Variants in NRG3 observed in about 807,000 individuals in gnomAD.
The protein encoded by NRG3 is pro-neuregulin-3, membrane-bound isoform.
A neutral mutation model predicts 66.9 loss-of-function variants in NRG3; 31 were observed. The observed-to-expected ratio is 0.46, with a 90% CI of 0.35 to 0.63. The LOEUF (loss-of-function observed/expected upper bound fraction) is 0.63, where lower values mean the gene tolerates loss of function less well. Among genes scored for constraint, NRG3 ranks in the 20% least tolerant of loss-of-function variants. NRG3 has a pLI of 0.00. For synonymous variants in NRG3, 393 were observed against 359.4 expected, an observed-to-expected ratio of 1.09 and a Z score of -1.06; for missense variants, 910 against 878.9, an observed-to-expected ratio of 1.04 and a Z score of -0.45.
chr10:82,167,734 TGCTTATATTTA>T (rs1444509698), intron 1 of NRG3, among the ~76,000 whole-genome samples: 2 of 152,158 alleles, frequency 1.3e-5, no homozygotes, highest in Non-Finnish European at 1.5e-5. Context: ...TGTAAATATT[TGCTTATATTTA>T]CCACCTTCTT....
At chr10:82,403,162 T>A (rs1313097196) in intron 2 of NRG3, among the ~76,000 whole-genome samples, 2 of 152,162 alleles carry the variant, frequency 1.3e-5, no homozygotes, top group Non-Finnish European at 2.9e-5. Flanking sequence ...GGAGCTTCCA[T>A]GGGACTTCAT....
At chr10:82,530,272 T>C (rs1847125608) in intron 2 of NRG3, among the ~76,000 whole-genome samples, 1 of 152,112 alleles carries the variant, frequency 6.6e-6, no homozygotes, top group Non-Finnish European at 1.5e-5. Flanking sequence ...AGAAATGTAG[T>C]AACAATAGCC....
intron 4 of NRG3, among the ~76,000 whole-genome samples, chr10:82,914,389 G>T (rs936321716): frequency 1.3e-5 from 2 of 152,098 alleles, no homozygotes; most frequent in South Asian, 2.1e-4. Flanking sequence ...GACATATTAG[G>T]TAAAAGGGAT....
At chr10:81,931,318 A>G (rs57778399) in intron 1 of NRG3, among the ~76,000 whole-genome samples, 10,787 of 152,208 alleles carry the variant, frequency 0.071, 753 homozygotes, top group East Asian at 0.22. Context: ...AGACTCTTCT[A>G]TTACCTGGGA....
intron 2 of NRG3, among the ~76,000 whole-genome samples, chr10:82,386,064 A>T (rs767166289): frequency 2.0e-4 from 31 of 152,172 alleles, no homozygotes; most frequent in Admixed American, 7.2e-4. Context: ...AGGCTTTTCC[A>T]TCAAATATAA....
chr10:82,512,474 T>TG (rs891096223), intron 2 of NRG3, among the ~76,000 whole-genome samples: 1 of 151,924 alleles, frequency 6.6e-6, no homozygotes, highest in African/African-American at 2.4e-5. Flanking sequence ...TTAGTAGAGA[T>TG]GGGGTCTCAC....
intron 3 of NRG3, among the ~76,000 whole-genome samples, chr10:82,742,576 A>T (rs1275710825): frequency 2.0e-5 from 3 of 152,176 alleles, no homozygotes; most frequent in African/African-American, 4.8e-5. Flanking sequence ...ATGAGGCTGA[A>T]TAGCAAGCAG....
chr10:81,875,831 CGCCCACTCGCTTCCCCGGGCACCGGGT>C lies in NRG3; in HGVS notation c.497_523del (p.Thr166_Pro174del). 1.9e-6 allele frequency: 3 copies of C among 1,608,986 alleles called. No individual in the cohort carries two copies. Among genetic ancestry groups the C allele is most frequent in the Non-Finnish European group, 2.5e-6 (3 of 1,179,692 alleles). On this transcript the variant is annotated inframe_deletion, in exon 1 of 9. Transcript: ENST00000372141. This position sits in a 1 kb window ranked among gnomAD's most constrained non-coding sequence, Gnocchi z 5.3. ...ACTCGCCTGACCACCATCACGCGGG[CGCCCACTCGCTTCCCCGGGCACCGGGT>C]GCCCATCCGGGCCAGCCCGCGCTCC...
intron 3 of NRG3, among the ~76,000 whole-genome samples, chr10:82,849,572 A>G (rs1304061737): frequency 6.6e-6 from 1 of 152,144 alleles, no homozygotes; most frequent in Non-Finnish European, 1.5e-5. Context: ...GGTGAGGAGG[A>G]TAGGAAGTGC....
chr10:82,397,530 C>G (rs754572810), intron 2 of NRG3, among the ~76,000 whole-genome samples: 1 of 152,124 alleles, frequency 6.6e-6, no homozygotes, highest in African/African-American at 2.4e-5. Context: ...AATATTAACT[C>G]ATGACAATTT....
At chr10:82,893,859 A>G (rs1243906206) in intron 4 of NRG3, among the ~76,000 whole-genome samples, 1 of 152,210 alleles carries the variant, frequency 6.6e-6, no homozygotes, top group Non-Finnish European at 1.5e-5. Flanking sequence ...AAAATGAATC[A>G]TAGTAAACCA....
intron 2 of NRG3, among the ~76,000 whole-genome samples, chr10:82,661,761 G>A (rs560572559): frequency 6.6e-6 from 1 of 152,304 alleles, no homozygotes; most frequent in Admixed American, 6.5e-5. Flanking sequence ...GGTGGTCTAG[G>A]TTGGTCTGCT....
intron 1 of NRG3, among the ~76,000 whole-genome samples, chr10:82,071,206 G>A (rs1281110518): frequency 6.6e-6 from 1 of 152,130 alleles, no homozygotes; most frequent in East Asian, 1.9e-4. Flanking sequence ...AGGTGATCCA[G>A]CAGTGGGCAA....
At chr10:82,169,517 T>A (rs1007353921) in intron 1 of NRG3, among the ~76,000 whole-genome samples, 10 of 151,620 alleles carry the variant, frequency 6.6e-5, no homozygotes, top group African/African-American at 2.4e-4. Flanking sequence ...TTTTTATTTT[T>A]TTATTATACT....
chr10:82,075,045 G>A (rs1315088021), intron 1 of NRG3, among the ~76,000 whole-genome samples: 1 of 152,134 alleles, frequency 6.6e-6, no homozygotes, highest in Non-Finnish European at 1.5e-5. Context: ...CTGTTGAATC[G>A]ATGAATGAAT....
chr10:82,263,546 G>A (rs913723336), intron 1 of NRG3, among the ~76,000 whole-genome samples: 2 of 152,004 alleles, frequency 1.3e-5, no homozygotes, highest in South Asian at 4.2e-4. Context: ...ATAACATTTG[G>A]CAGAGCATTT....
At chr10:82,885,240 C>T (rs1472038289) in intron 4 of NRG3, among the ~76,000 whole-genome samples, 1 of 152,146 alleles carries the variant, frequency 6.6e-6, no homozygotes, top group Non-Finnish European at 1.5e-5. Context: ...AATGAGTTTT[C>T]TAACACAATT....
chr10:82,701,810 G>A (rs781648342), intron 2 of NRG3, among the ~76,000 whole-genome samples: 3 of 152,100 alleles, frequency 2.0e-5, no homozygotes, highest in Non-Finnish European at 4.4e-5. Context: ...TTTGAGCTAT[G>A]GCAGCAAACA....
chr10:82,366,257 T>C (rs2084515140), intron 2 of NRG3, among the ~76,000 whole-genome samples: 1 of 152,192 alleles, frequency 6.6e-6, no homozygotes, highest in Non-Finnish European at 1.5e-5. Flanking sequence ...ATATGATAGC[T>C]CTTTCCTCTC....
Sources: gnomAD v4.1 joint callset for allele counts (sites outside exome capture counted in the v4.1 genomes callset) on GRCh38, gnomAD v4.1.1 for gene constraint, Gnocchi (gnomAD v3.1) non-coding constraint, MANE v1.5 for transcripts, NCBI Gene and HGNC (gene_info 2026-07-23, HGNC 2026-07-21) for gene names.